RBM41: variants seen among roughly 807,000 people sequenced by gnomAD.
RBM41 encodes the protein RNA-binding protein 41.
In RBM41, 14 loss-of-function variants were observed where a neutral mutation model predicts 30.8. That is an observed-to-expected ratio of 0.45 (90% CI 0.30 to 0.71). The LOEUF is 0.71. Among genes scored for constraint, RBM41 ranks in the 30% least tolerant of loss-of-function variants. The probability of loss-of-function intolerance (pLI) is 0.08; values close to 1 mark genes in which losing one functional copy is unlikely to be tolerated. For missense variants in RBM41, 276 were observed against 326.3 expected (o/e 0.85, Z 1.19); for synonymous variants, 120 against 110.1 (o/e 1.09, Z -0.56).
intron 6 of RBM41, among the ~76,000 whole-genome samples, chrX:107,071,248 CAG>C (rs1936056996): frequency 9.5e-6 from 1 of 105,055 alleles, no homozygotes; most frequent in African/African-American, 3.5e-5. Context: ...AGGAAGACGG[CAG>C]AGAGGGAGAG....
chrX:107,095,498 A>G (rs150337384), intron 5 of RBM41, among the ~76,000 whole-genome samples: 1,201 of 109,775 alleles, frequency 0.011, 14 homozygotes, highest in African/African-American at 0.038. Flanking sequence ...CAGGAGGTTG[A>G]GGCAGGAGAA....
In RBM41 at chrX:107,067,330, T is replaced by TC; in HGVS notation, c.*196dup. The TC allele has an allele frequency of 1.0e-6, 1 of 959,697 alleles. No individual in the cohort carries two copies. The highest frequency in any genetic ancestry group is 1.3e-6 in the Non-Finnish European group (1 of 763,198). The allele number at this position is 959,697 out of a possible 1,213,427, so 79.1% of individuals were successfully genotyped here. A position where few individuals can be genotyped will look rare whatever the true frequency, so the allele number is the denominator to read the frequency against. On this transcript the variant is annotated 3_prime_UTR_variant, in exon 8 of 8. Coordinates refer to ENST00000685964, the MANE Select transcript of RBM41 (RefSeq NM_001324242.2). ...TTTACCCTTCATACTCAGCATATCA[T>TC]CTGTCCTATATAGTCTTCAATTATA...
chrX:107,073,864 G>C (rs1482538751), intron 6 of RBM41, among the ~76,000 whole-genome samples: 1 of 111,651 alleles, frequency 9.0e-6, no homozygotes, highest in Non-Finnish European at 1.9e-5. Context: ...AATAAACCAG[G>C]CACAGAAAGT....
At chrX:107,107,127 A>C (rs771001679) in intron 5 of RBM41, among the ~76,000 whole-genome samples, 1 of 112,047 alleles carries the variant, frequency 8.9e-6, no homozygotes, top group East Asian at 2.8e-4. Flanking sequence ...AAGCGTATGT[A>C]GACCATGGAG....
intron 5 of RBM41, among the ~76,000 whole-genome samples, chrX:107,110,278 T>C (rs1189804919): frequency 9.0e-6 from 1 of 111,395 alleles, no homozygotes. Flanking sequence ...GAAAATATCT[T>C]TTTCATGAAC....
At chrX:107,080,491 T>C (rs780247556) in intron 6 of RBM41, among the ~76,000 whole-genome samples, 5 of 111,321 alleles carry the variant, frequency 4.5e-5, no homozygotes, top group Admixed American at 1.9e-4. Context: ...AGTAGGAGAA[T>C]TGCTTGAACC....
At chrX:107,117,015 A>G (rs1388909891) in intron 1 of RBM41, among the ~76,000 whole-genome samples, 2 of 112,142 alleles carry the variant, frequency 1.8e-5, no homozygotes, top group Non-Finnish European at 3.8e-5. Context: ...GAAGCCCACA[A>G]TCTATTTAGG....
downstream of RBM41, among the ~76,000 whole-genome samples, chrX:107,059,409 G>A (rs573550837): frequency 1.3e-4 from 14 of 110,976 alleles, no homozygotes; most frequent in South Asian, 5.1e-3. Context: ...TAATACCTAG[G>A]TGATGGGCTG....
rs112903341 is a variant in RBM41 at position 107,085,456 on chromosome X, C to T, written c.999+2980G>A. 2.7e-3 allele frequency among the ~76,000 whole-genome samples: 298 copies of T among 109,298 alleles called. 3 individuals carry two copies. Among genetic ancestry groups the T allele is most frequent in the African/African-American group, 9.2e-3 (278 of 30,114 alleles). The allele number at this position is 109,298 out of a possible 115,157, so 94.9% of individuals were successfully genotyped here. A position where few individuals can be genotyped will look rare whatever the true frequency, so the allele number is the denominator to read the frequency against. ...TAATTTTTAGTATTTTTAGTAGAGA[C>T]GGGGTTTTGCCACATTGGCCAGGCT... On this transcript the variant is annotated intron_variant, in intron 6 of 7. Transcript: ENST00000685964.
the RBM41 span, among the ~76,000 whole-genome samples, chrX:107,055,188 G>T: frequency 8.9e-6 from 1 of 112,297 alleles, no homozygotes; most frequent in African/African-American, 3.2e-5. Context: ...TCCTTTTCAT[G>T]GCTGAGTAAT....
chrX:107,095,335 C>T (rs1384962082), intron 5 of RBM41, among the ~76,000 whole-genome samples: 1 of 110,843 alleles, frequency 9.0e-6, no homozygotes, highest in East Asian at 2.8e-4. Context: ...GTGGCTCATG[C>T]CTGTAATCCC....
At chrX:107,080,587 G>GAAACA (rs200816405) in intron 6 of RBM41, among the ~76,000 whole-genome samples, 10,598 of 106,128 alleles carry the variant, frequency 0.1, 1,181 homozygotes, top group African/African-American at 0.3. Flanking sequence ...CTCAAAACAC[G>GAAACA]AAACAAAACA....
At chrX:107,115,680 A>G in intron 3 of RBM41, 124 bp from the exon 4 acceptor site, 2 of 859,052 alleles carry the variant, frequency 2.3e-6, no homozygotes, top group South Asian at 2.6e-5. Flanking sequence ...GTGTTAGCTA[A>G]GAAGTTAAAG....
At chrX:107,052,830 G>A in the RBM41 span, among the ~76,000 whole-genome samples, 41 of 111,752 alleles carry the variant, frequency 3.7e-4, no homozygotes, top group Middle Eastern at 4.7e-3. Flanking sequence ...CCCAGTGTTC[G>A]GTGTTTTGAA....
chrX:107,079,582 A>T (rs970533801), intron 6 of RBM41, among the ~76,000 whole-genome samples: 1 of 111,116 alleles, frequency 9.0e-6, no homozygotes, highest in Non-Finnish European at 1.9e-5. Flanking sequence ...TTACAGTTAG[A>T]CTCTCTTCTC....
rs1935749526 is a variant in RBM41, at chrX:107,064,145, G to A, written c.*3382C>T. ...TTTTTGTATTTTTAGTAGAGACAGG[G>A]TTTCACCATGTTACCCAGAATGGTC... is the stretch of plus-strand genomic sequence containing the variant. On this transcript the variant is annotated 3_prime_UTR_variant, in exon 8 of 8. Transcript: ENST00000685964. 9.2e-6 allele frequency among the ~76,000 whole-genome samples: 1 copy of A among 108,698 alleles called. No individual in the cohort carries two copies. Among genetic ancestry groups the A allele is most frequent in the South Asian group, 4.0e-4 (1 of 2,482 alleles). 94.4% of individuals were successfully genotyped at this position (108,698 alleles called of 115,157 possible).
intron 5 of RBM41, among the ~76,000 whole-genome samples, chrX:107,099,690 TAC>T (rs58279760): frequency 0.03 from 2,760 of 91,972 alleles, 54 homozygotes; most frequent in African/African-American, 0.057. Context: ...TCCTGAAAGG[TAC>T]ACACACACAC....
At chrX:107,093,212 G>A (rs1347822440) in intron 5 of RBM41, among the ~76,000 whole-genome samples, 1 of 111,376 alleles carries the variant, frequency 9.0e-6, no homozygotes, top group Non-Finnish European at 1.9e-5. Context: ...GATAAGATTG[G>A]AAGAGCTATG....
chrX:107,058,875 CAG>C (rs769598072), downstream of RBM41, among the ~76,000 whole-genome samples: 1 of 111,307 alleles, frequency 9.0e-6, no homozygotes, highest in East Asian at 2.8e-4. Flanking sequence ...CCTCACATGG[CAG>C]AGAGACAGCA....
Sources: gnomAD v4.1 joint callset for allele counts (sites outside exome capture counted in the v4.1 genomes callset) on GRCh38, gnomAD v4.1.1 for gene constraint, MANE v1.5 for transcripts, NCBI Gene and HGNC (gene_info 2026-07-23, HGNC 2026-07-21) for gene names.